The following HS6ST3 variants were observed in gnomAD, a reference collection of about 807,000 sequenced individuals.
The protein encoded by HS6ST3 is heparan sulfate 6-O-sulfotransferase 3.
In HS6ST3, 12 loss-of-function variants were observed where a neutral mutation model predicts 36.7. That is an observed-to-expected ratio of 0.33 (90% CI 0.21 to 0.53). The LOEUF is 0.53. Among genes scored for constraint, HS6ST3 ranks in the 20% least tolerant of loss-of-function variants. The pLI, the probability that HS6ST3 is intolerant of heterozygous loss-of-function variation, is 0.95. For synonymous variants in HS6ST3, 240 were observed against 257.5 expected, an observed-to-expected ratio of 0.93 and a Z score of 0.65; for missense variants, 584 against 640.9, an observed-to-expected ratio of 0.91 and a Z score of 0.96.
At position 96,178,253 on chromosome 13, in the gene HS6ST3, T is replaced by A. The variant is rs1268361976; in HGVS notation, c.707+86684T>A. ...TTGGAATATTTTTATAAGTATAAAA[T>A]AATACAAAATAAAAAACTAGTTTGG... On this transcript the variant is annotated intron_variant, in intron 1 of 1. Coordinates refer to ENST00000376705, the MANE Select transcript of HS6ST3 (RefSeq NM_153456.4). 2.0e-5 allele frequency among the ~76,000 whole-genome samples: 3 copies of A among 152,266 alleles called. No homozygotes were observed. In the East Asian group the frequency reaches 5.8e-4, roughly 29 times the overall value.
intron 1 of HS6ST3, among the ~76,000 whole-genome samples, chr13:96,391,925 G>A (rs1049960457): frequency 2.0e-5 from 3 of 152,150 alleles, no homozygotes; most frequent in Non-Finnish European, 4.4e-5. Flanking sequence ...GGCTTGCCGA[G>A]AGGAATGAAG....
At chr13:96,324,387 G>T (rs890712926) in intron 1 of HS6ST3, among the ~76,000 whole-genome samples, 1 of 152,140 alleles carries the variant, frequency 6.6e-6, no homozygotes, top group Non-Finnish European at 1.5e-5. Flanking sequence ...GAAAATGAAG[G>T]AAGTGATATG....
At chr13:96,656,887 T>A (rs535704928) in intron 1 of HS6ST3, among the ~76,000 whole-genome samples, 1 of 152,094 alleles carries the variant, frequency 6.6e-6, no homozygotes, top group Non-Finnish European at 1.5e-5. Context: ...TTGGAATGTG[T>A]CACGGCCAGA....
rs566321986 is a variant in HS6ST3, at chr13:96,285,899, C to T, written c.707+194330C>T. ...TCTTTTCCTCTCTCTCTCCCTCTTT[C>T]CCTCTCTCTCTCCCCCACTTTCCCT... On this transcript the variant is annotated intron_variant, in intron 1 of 1. Transcript: ENST00000376705. 7.9e-5 allele frequency among the ~76,000 whole-genome samples: 12 copies of T among 151,024 alleles called. No individual in the cohort carries two copies. In the South Asian group the frequency reaches 2.5e-3, roughly 32 times the overall value.
chr13:96,607,648 A>C (rs2056443683), intron 1 of HS6ST3, among the ~76,000 whole-genome samples: 1 of 152,182 alleles, frequency 6.6e-6, no homozygotes. Flanking sequence ...CCTGTATTTT[A>C]GTGTTTTTAC....
chr13:96,424,819 A>G (rs1447928752), intron 1 of HS6ST3, among the ~76,000 whole-genome samples: 1 of 152,206 alleles, frequency 6.6e-6, no homozygotes, highest in Non-Finnish European at 1.5e-5. Flanking sequence ...TCCATTGATC[A>G]CATAATAAAA....
chr13:96,548,593 T>C (rs1475041795), intron 1 of HS6ST3, among the ~76,000 whole-genome samples: 1 of 152,242 alleles, frequency 6.6e-6, no homozygotes, highest in Non-Finnish European at 1.5e-5. Context: ...TCTATCTATG[T>C]ATCTGTCTAC....
At chr13:96,738,772 A>G (rs1362830127) in intron 1 of HS6ST3, among the ~76,000 whole-genome samples, 2 of 152,220 alleles carry the variant, frequency 1.3e-5, no homozygotes, top group Non-Finnish European at 2.9e-5. Flanking sequence ...GATCATTACT[A>G]TCAGCCTTCA....
chr13:96,120,575 A>G (rs545371687), intron 1 of HS6ST3, among the ~76,000 whole-genome samples: 1 of 152,310 alleles, frequency 6.6e-6, no homozygotes, highest in Non-Finnish European at 1.5e-5. Context: ...TTAGTAGCAT[A>G]TTGAACTTTA....
chr13:96,467,607 G>A (rs1290898707), intron 1 of HS6ST3, among the ~76,000 whole-genome samples: 2 of 152,078 alleles, frequency 1.3e-5, no homozygotes, highest in Non-Finnish European at 2.9e-5. Flanking sequence ...TAATCTAAAG[G>A]AACAGATATC....
intron 1 of HS6ST3, among the ~76,000 whole-genome samples, chr13:96,409,573 A>G (rs568533810): frequency 6.6e-6 from 1 of 152,296 alleles, no homozygotes; most frequent in East Asian, 1.9e-4. Flanking sequence ...AAGTTTCAAA[A>G]TGTGTTTGTC....
rs1174704709 is a variant in HS6ST3 at position 96,254,415 on chromosome 13, GAAAAAAAAAAAAAAAAAAAAA to G, written c.707+162860_707+162880del. 3.7e-4 allele frequency among the ~76,000 whole-genome samples: 8 copies of G among 21,504 alleles called. 1 individual carries two copies. Among genetic ancestry groups the G allele is most frequent in the African/African-American group, 2.0e-3 (7 of 3,578 alleles). The allele number at this position is 21,504 out of a possible 152,430, so 14.1% of individuals were successfully genotyped here. On this transcript the variant is annotated intron_variant, in intron 1 of 1. Transcript: ENST00000376705. Reference sequence around the variant, plus strand: ...GGCGATAGAGTGAGACTCTGTCTCAGAAAAAAAAAAAAAAAAAAAAAAAAAAAAAAAAAATATATATATATA... The same window carrying G: ...GGCGATAGAGTGAGACTCTGTCTCAGAAAAAAAAAAAAATATATATATATA...
At chr13:96,195,584 A>T (rs916041750) in intron 1 of HS6ST3, among the ~76,000 whole-genome samples, 1 of 152,150 alleles carries the variant, frequency 6.6e-6, no homozygotes, top group Non-Finnish European at 1.5e-5. Context: ...TGATGTAAAC[A>T]TGGCCCTGGG....
chr13:96,661,904 G>T (rs1421783857), intron 1 of HS6ST3, among the ~76,000 whole-genome samples: 3 of 152,028 alleles, frequency 2.0e-5, no homozygotes, highest in Non-Finnish European at 4.4e-5. Context: ...TTTTCTTTAG[G>T]AATATTGAAA....
At chr13:96,119,488 G>T (rs145143668) in intron 1 of HS6ST3, among the ~76,000 whole-genome samples, 2 of 152,182 alleles carry the variant, frequency 1.3e-5, no homozygotes, top group East Asian at 3.9e-4. Context: ...TAGAGTTCAG[G>T]ATAGCAAAAT....
intron 1 of HS6ST3, among the ~76,000 whole-genome samples, chr13:96,212,528 A>G (rs188425774): frequency 8.5e-5 from 13 of 152,328 alleles, no homozygotes; most frequent in African/African-American, 3.1e-4. Context: ...TCAGAGAAAA[A>G]CAAAATGCAT....
chr13:96,246,236 C>T (rs1350135752), intron 1 of HS6ST3, among the ~76,000 whole-genome samples: 2 of 152,124 alleles, frequency 1.3e-5, no homozygotes, highest in African/African-American at 4.8e-5. Flanking sequence ...AGCATGAAGA[C>T]ACACAGCCAG....
chr13:96,460,391 T>G (rs8001566), intron 1 of HS6ST3, among the ~76,000 whole-genome samples: 26,095 of 152,158 alleles, frequency 0.17, 2,343 homozygotes, highest in Middle Eastern at 0.23. Flanking sequence ...AAAAATTCTT[T>G]TAGTTTGGTA....
At chr13:96,205,481 G>A (rs1215712555) in intron 1 of HS6ST3, among the ~76,000 whole-genome samples, 1 of 152,028 alleles carries the variant, frequency 6.6e-6, no homozygotes, top group Non-Finnish European at 1.5e-5. Context: ...ATTCTGTGAG[G>A]CTAGCATTAT....
Sources: allele counts gnomAD v4.1 joint callset (sites outside exome capture counted in the v4.1 genomes callset), GRCh38; gene constraint gnomAD v4.1.1; transcripts MANE v1.5; gene names NCBI Gene and HGNC (gene_info 2026-07-23, HGNC 2026-07-21).